The following ALMS1 variants were observed in gnomAD, a reference collection of about 807,000 sequenced individuals.
ALMS1 encodes the protein centrosome-associated protein ALMS1.
A neutral mutation model predicts 352.2 loss-of-function variants in ALMS1; 271 were observed. The observed-to-expected ratio is 0.77, with a 90% CI of 0.70 to 0.85. The LOEUF (loss-of-function observed/expected upper bound fraction) is 0.85, where lower values mean the gene tolerates loss of function less well. Among genes scored for constraint, ALMS1 ranks in the 40% least tolerant of loss-of-function variants. The pLI is 0.00. For synonymous variants in ALMS1, 1,865 were observed against 1,761.2 expected (o/e 1.06, Z -1.48); for missense variants, 5,445 against 4,870.7 (o/e 1.12, Z -3.51).
At chr2:73,478,805 G>A (rs1402545173) in intron 9 of ALMS1, among the ~76,000 whole-genome samples, 12 of 151,974 alleles carry the variant, frequency 7.9e-5, no homozygotes, top group African/African-American at 2.4e-4. Flanking sequence ...CCCTGCATAC[G>A]TTAGGTATTT....
At chr2:73,601,098 C>T in intron 18 of ALMS1, 97 bp from the exon 19 acceptor site, 7 of 1,587,110 alleles carry the variant, frequency 4.4e-6, no homozygotes, top group Non-Finnish European at 6.0e-6. Flanking sequence ...GCTGAGACCC[C>T]TGAGAACCTG....
At position 73,557,246 on chromosome 2, in the gene ALMS1, G is replaced by A. The variant is rs949792865; in HGVS notation, c.10105G>A (p.Gly3369Arg). ...TGCCTCAGTTCAAGTGCTAATCACTGGGGATGAGAACCTCTCAGACAAAAA... is the reference window on the plus strand; with the variant it reads ...TGCCTCAGTTCAAGTGCTAATCACTAGGGATGAGAACCTCTCAGACAAAAA... ...ADASVQVLITGDENLSDKKQQ... is the reference protein window; with the variant it reads ...ADASVQVLITRDENLSDKKQQ... Residue 3369 changes from glycine to arginine, a missense_variant, in exon 14 of 23, where the codon GGG becomes AGG. Gly to Arg is a moderately radical substitution (Grantham distance 125). Coordinates refer to ENST00000613296, the MANE Select transcript of ALMS1 (RefSeq NM_001378454.1). 6.2e-7 allele frequency: 1 copy of A among 1,614,018 alleles called. No homozygotes were observed. Among genetic ancestry groups the A allele is most frequent in the African/African-American group, 1.3e-5 (1 of 74,924 alleles).
Position 73,490,873 on chromosome 2 carries a change from A to G in ALMS1, c.8914A>G (p.Lys2972Glu), listed in dbSNP as rs902631875. ...CATTTCTCTTGAACAATGCCAAAGCAAAGCGCCAGGTGTAGATGACCAAAT... is the reference window on the plus strand; with the variant it reads ...CATTTCTCTTGAACAATGCCAAAGCGAAGCGCCAGGTGTAGATGACCAAAT... ...SPISLEQCQS[K>E]APGVDDQMNK... Residue 2972 changes from lysine to glutamate, a missense_variant, in exon 10 of 23, where the codon AAA (lysine) becomes GAA (glutamate). Coordinates refer to ENST00000613296, the MANE Select transcript of ALMS1 (RefSeq NM_001378454.1). 6 of 1,614,050 alleles carry G rather than the reference A, an allele frequency of 3.7e-6. No individual in the cohort carries two copies. The highest frequency in any genetic ancestry group is 2.2e-5 in the South Asian group (2 of 91,084).
chr2:73,605,831 G>A (rs1055530253), intron 21 of ALMS1, among the ~76,000 whole-genome samples: 19 of 150,122 alleles, frequency 1.3e-4, no homozygotes, highest in African/African-American at 3.9e-4. Context: ...CAACAAGTGC[G>A]AAACTCTGTC....
intron 10 of ALMS1, among the ~76,000 whole-genome samples, chr2:73,492,107 A>T (rs1307919925): frequency 6.6e-6 from 1 of 152,208 alleles, no homozygotes. Context: ...CAATTCAGGG[A>T]TAAGTTCGTT....
intron 2 of ALMS1, 82 bp from the exon 3 acceptor site, chr2:73,419,041 G>A (rs1313314696): frequency 8.7e-7 from 1 of 1,151,266 alleles, no homozygotes; most frequent in Admixed American, 1.8e-5. Flanking sequence ...TATAATACAT[G>A]AGTGGACATT....
intron 9 of ALMS1, chr2:73,458,885 G>A (rs1203313109): frequency 2.0e-5 from 3 of 152,094 alleles, no homozygotes; most frequent in Admixed American, 1.3e-4. Context: ...CTGTAATTGG[G>A]GATTGTTTCT....
chr2:73,418,516 A>T (rs1671221573), intron 2 of ALMS1, among the ~76,000 whole-genome samples: 1 of 152,234 alleles, frequency 6.6e-6, no homozygotes, highest in South Asian at 2.1e-4. Context: ...GCTTTGGCTG[A>T]AGGCCCGGCT....
At chr2:73,574,089 T>C (rs563126052) in intron 16 of ALMS1, among the ~76,000 whole-genome samples, 2 of 152,218 alleles carry the variant, frequency 1.3e-5, no homozygotes, top group South Asian at 4.1e-4. Context: ...TAACATTCAC[T>C]TTTTAATATA....
intron 16 of ALMS1, among the ~76,000 whole-genome samples, chr2:73,578,812 A>G (rs1675108649): frequency 6.6e-6 from 1 of 152,184 alleles, no homozygotes; most frequent in African/African-American, 2.4e-5. Flanking sequence ...GATAAGGGAA[A>G]AGGGAAGAGT....
chr2:73,476,441 T>C (rs973415388), intron 9 of ALMS1, among the ~76,000 whole-genome samples: 1 of 152,056 alleles, frequency 6.6e-6, no homozygotes, highest in African/African-American at 2.4e-5. Flanking sequence ...GATCATACAG[T>C]CATTCTACTT....
intron 12 of ALMS1, among the ~76,000 whole-genome samples, chr2:73,545,182 T>G (rs6715819): frequency 0.35 from 46,702 of 134,752 alleles, 8,718 homozygotes; most frequent in African/African-American, 0.55. Context: ...TTTTTTGTGG[T>G]TTTTTTTTTT....
At chr2:73,573,690 G>A in intron 16 of ALMS1, 1 of 609,282 alleles carries the variant, frequency 1.6e-6, no homozygotes, top group Admixed American at 2.8e-5. Context: ...CCCTGAAATG[G>A]GGGAGCTTTG....
At chr2:73,479,574 T>C (rs930181383) in intron 9 of ALMS1, among the ~76,000 whole-genome samples, 3 of 152,206 alleles carry the variant, frequency 2.0e-5, no homozygotes, top group South Asian at 2.1e-4. Flanking sequence ...TTTTTATTGA[T>C]GTATAGTATT....
chr2:73,540,791 T>A (rs1408823666), intron 12 of ALMS1, among the ~76,000 whole-genome samples: 1 of 152,178 alleles, frequency 6.6e-6, no homozygotes, highest in Non-Finnish European at 1.5e-5. Flanking sequence ...CATTACATAA[T>A]GGTAAAGGGA....
intron 2 of ALMS1, among the ~76,000 whole-genome samples, chr2:73,418,415 T>C (rs1671218878): frequency 1.3e-5 from 2 of 152,250 alleles, no homozygotes; most frequent in Non-Finnish European, 2.9e-5. Flanking sequence ...CTGAAGTGAA[T>C]GCTTCAGTAG....
At chr2:73,485,237 G>A (rs1367833177) in intron 9 of ALMS1, among the ~76,000 whole-genome samples, 6 of 152,060 alleles carry the variant, frequency 3.9e-5, no homozygotes, top group African/African-American at 1.4e-4. Flanking sequence ...TGATGGTGAT[G>A]TACAGATGGG....
At chr2:73,538,386 T>A (rs1370114528) in intron 12 of ALMS1, among the ~76,000 whole-genome samples, 1 of 152,172 alleles carries the variant, frequency 6.6e-6, no homozygotes, top group Non-Finnish European at 1.5e-5. Flanking sequence ...ATCACTGTTA[T>A]TTTAAAAAAT....
At chr2:73,462,908 T>A (rs528241432) in intron 9 of ALMS1, 14 of 151,980 alleles carry the variant, frequency 9.2e-5, no homozygotes, top group Non-Finnish European at 1.9e-4. Flanking sequence ...AAGAACTAAC[T>A]ATCTTAAATA....
Sources: gnomAD v4.1 joint callset for allele counts (sites outside exome capture counted in the v4.1 genomes callset) on GRCh38, gnomAD v4.1.1 for gene constraint, MANE v1.5 for transcripts, NCBI Gene and HGNC (gene_info 2026-07-23, HGNC 2026-07-21) for gene names.